Variants in NID2 observed in about 807,000 individuals in gnomAD.
NID2 encodes nidogen-2.
NID2 carries 83 observed loss-of-function variants against 145.4 expected under a neutral mutation model. That is an observed-to-expected ratio of 0.57 (90% CI 0.48 to 0.69). The LOEUF (loss-of-function observed/expected upper bound fraction) is 0.69, where lower values mean the gene tolerates loss of function less well. NID2 is among the 30% of genes least tolerant of loss of function. The pLI, the probability that NID2 is intolerant of heterozygous loss-of-function variation, is 0.00. For missense variants in NID2, 1,807 were observed against 1,765.7 expected (o/e 1.02, Z -0.42); for synonymous variants, 739 against 701.3 (o/e 1.05, Z -0.85).
chr14:52,035,703 G>T (rs1566759271), intron 9 of NID2, among the ~76,000 whole-genome samples: 1 of 151,464 alleles, frequency 6.6e-6, no homozygotes, highest in Non-Finnish European at 1.5e-5. Context: ...TTTTGAGACG[G>T]AGTCTCACTC....
At chr14:52,034,680 C>G (rs1891992240) in intron 9 of NID2, among the ~76,000 whole-genome samples, 1 of 152,224 alleles carries the variant, frequency 6.6e-6, no homozygotes, top group Non-Finnish European at 1.5e-5. Context: ...CCTGCTGAGG[C>G]TTAAGGAGCC....
At chr14:52,066,194 A>G (rs142144884) in intron 2 of NID2, among the ~76,000 whole-genome samples, 22 of 152,264 alleles carry the variant, frequency 1.4e-4, no homozygotes, top group South Asian at 4.2e-4. Flanking sequence ...AGGACCAGAC[A>G]AAAGTTTTAA....
chr14:52,057,599 G>A (rs1892893848), intron 3 of NID2, among the ~76,000 whole-genome samples: 1 of 151,330 alleles, frequency 6.6e-6, no homozygotes. Flanking sequence ...GCTACTGGGA[G>A]GCTGAGGCAG....
rs1422565237 is a variant in NID2, at chr14:52,028,728, A to G, written c.2524T>C (p.Cys842Arg). 1 of 1,611,006 alleles carries G rather than the reference A, an allele frequency of 6.2e-7. No individual in the cohort carries two copies. Among genetic ancestry groups the G allele is most frequent in the Non-Finnish European group, 8.5e-7 (1 of 1,179,190 alleles). ...GYEFADDRHT[C>R]ILITPPANPC... ...AAATGATTTTGGAACTCACAGATGC[A>G]AGTATGCCGGTCATCTGCAAACTCA... Residue 842 changes from cysteine to arginine, a missense_variant, in exon 11 of 22, where the codon TGC becomes CGC. Physicochemically the swap from Cys to Arg is radical, Grantham distance 180. Coordinates refer to ENST00000216286, the MANE Select transcript of NID2 (RefSeq NM_007361.4).
At chr14:52,031,828 G>A (rs552822723) in intron 9 of NID2, among the ~76,000 whole-genome samples, 1 of 152,276 alleles carries the variant, frequency 6.6e-6, no homozygotes, top group Admixed American at 6.5e-5. Flanking sequence ...GTCTTATACT[G>A]AGCCTTCAAT....
rs368768720 is a variant in NID2, at chr14:52,042,292, G to T, written c.1638C>A (p.Pro546=). Residue 546 remains proline, a synonymous_variant, in exon 7 of 22, where the codon CCC becomes CCA. Coordinates refer to ENST00000216286, the MANE Select transcript of NID2 (RefSeq NM_007361.4). ...VSGHLHVGHT[P]VHFTDVDLHA... ...GCAGGTCCACATCAGTGAAGTGCAC[G>T]GGTGTATGGCCCACGTGGAGGTGGC... 1 of 1,614,092 alleles carries T rather than the reference G, an allele frequency of 6.2e-7. No individual in the cohort carries two copies. The highest frequency in any genetic ancestry group is 8.5e-7 in the Non-Finnish European group (1 of 1,179,962).
intron 9 of NID2, 113 bp downstream of exon 9, chr14:52,038,634 C>G (rs144382087): frequency 2.4e-5 from 19 of 786,102 alleles, no homozygotes; most frequent in Non-Finnish European, 3.4e-5. Flanking sequence ...CATCCTTATA[C>G]CTAGCACATA....
At chr14:52,006,236 C>G (rs1008660007) in intron 20 of NID2, 2 of 395,610 alleles carry the variant, frequency 5.1e-6, no homozygotes, top group East Asian at 9.9e-5. Flanking sequence ...GTCTTATTCT[C>G]TAAAGAACAT....
chr14:52,034,194 G>T (rs950623993), intron 9 of NID2, among the ~76,000 whole-genome samples: 13 of 152,268 alleles, frequency 8.5e-5, no homozygotes, highest in Admixed American at 8.5e-4. Context: ...CTGCCAGTTT[G>T]CTTTCTCTGA....
intron 9 of NID2, among the ~76,000 whole-genome samples, chr14:52,036,606 AT>A (rs1241330022): frequency 2.0e-5 from 3 of 152,198 alleles, no homozygotes; most frequent in African/African-American, 7.2e-5. Context: ...TAGCCACATC[AT>A]TTTATAATCA....
intron 18 of NID2, chr14:52,009,821 G>T (rs61971548): frequency 0.1 from 15,753 of 152,068 alleles, 1,013 homozygotes; most frequent in East Asian, 0.16. Context: ...ACCCTGTCTC[G>T]ACTAAAAATA....
chr14:52,006,539 C>A lies in NID2; in HGVS notation c.4002G>T (p.Arg1334Ser). The A allele has an allele frequency of 6.2e-7, 1 of 1,613,566 alleles. No individual in the cohort carries two copies. Among genetic ancestry groups the A allele is most frequent in the South Asian group, 1.1e-5 (1 of 91,064 alleles). Residue 1334 changes from arginine (R) to serine (S), a missense_variant and splice_region_variant, in exon 20 of 22, where the codon AGG becomes AGT. Physicochemically the swap from Arg to Ser is moderately radical, Grantham distance 110 (BLOSUM62 -1). Coordinates refer to ENST00000216286, the MANE Select transcript of NID2 (RefSeq NM_007361.4). ...YADHFYHTDW[R>S]RDGVVSVNKH... The stretch of plus-strand genomic sequence containing the variant: ...TGTCCAGAATTTGTGGGGCTCACCT[C>A]CTCCAGTCTGTGTGGTAGAAGTGAT...
chr14:52,059,901 T>C (rs1892969303), intron 3 of NID2, among the ~76,000 whole-genome samples: 1 of 152,238 alleles, frequency 6.6e-6, no homozygotes. Flanking sequence ...TACTGTTCTG[T>C]TTCCAGTATC....
intron 5 of NID2, among the ~76,000 whole-genome samples, chr14:52,047,403 T>A (rs985299156): frequency 1.3e-5 from 2 of 150,070 alleles, no homozygotes; most frequent in Non-Finnish European, 3.0e-5. Context: ...GCAGGAGGGG[T>A]GTGTGGGCAT....
At chr14:52,020,979 T>C (rs899451794) in intron 12 of NID2, among the ~76,000 whole-genome samples, 2 of 152,064 alleles carry the variant, frequency 1.3e-5, no homozygotes, top group African/African-American at 4.8e-5. Context: ...GAAATCCGCA[T>C]ATGCCGACAA....
intron 8 of NID2, among the ~76,000 whole-genome samples, 167 bp from the exon 9 acceptor site, chr14:52,039,144 G>T (rs909261289): frequency 2.0e-5 from 3 of 152,178 alleles, no homozygotes; most frequent in African/African-American, 7.2e-5. Context: ...AACCTGAGTG[G>T]ATGCAAAGCC....
intron 12 of NID2, among the ~76,000 whole-genome samples, chr14:52,022,237 T>C (rs1448912486): frequency 6.6e-6 from 1 of 150,622 alleles, no homozygotes; most frequent in African/African-American, 2.5e-5. Flanking sequence ...CCACAGATAC[T>C]GTTGGCATCA....
At chr14:52,063,356 A>G (rs1893078853) in intron 2 of NID2, among the ~76,000 whole-genome samples, 1 of 152,216 alleles carries the variant, frequency 6.6e-6, no homozygotes, top group South Asian at 2.1e-4. Flanking sequence ...AGAGAGGATC[A>G]GGGTGAGTGG....
At chr14:52,030,591 A>G (rs1284192560) in intron 9 of NID2, among the ~76,000 whole-genome samples, 27 of 133,840 alleles carry the variant, frequency 2.0e-4, no homozygotes, top group Admixed American at 1.4e-3. Flanking sequence ...AGAAAGAAAG[A>G]AAGAAAGAAA....
Sources: gnomAD v4.1 joint callset for allele counts (sites outside exome capture counted in the v4.1 genomes callset) on GRCh38, gnomAD v4.1.1 for gene constraint, MANE v1.5 for transcripts, NCBI Gene and HGNC (gene_info 2026-07-23, HGNC 2026-07-21) for gene names.